The following SERPINE2 variants were observed in gnomAD, a reference collection of about 807,000 sequenced individuals.
SERPINE2 encodes serpin family E member 2.
In SERPINE2, 14 loss-of-function variants were observed where a neutral mutation model predicts 36.3. That is an observed-to-expected ratio of 0.39 (90% confidence interval 0.25 to 0.60). SERPINE2 has a LOEUF of 0.60. Among genes scored for constraint, SERPINE2 ranks in the 20% least tolerant of loss-of-function variants. The pLI is 0.57. For missense variants in SERPINE2, 418 were observed against 499.6 expected, an observed-to-expected ratio of 0.84 and a Z score of 1.56; for synonymous variants, 192 against 191.8, an observed-to-expected ratio of 1.00 and a Z score of -0.01.
intron 4 of SERPINE2, among the ~76,000 whole-genome samples, chr2:223,991,553 C>T (rs985323647): frequency 3.9e-5 from 6 of 152,228 alleles, no homozygotes; most frequent in South Asian, 4.1e-4. Context: ...CTACTACACA[C>T]GCCATGCATT....
At chr2:224,002,257 G>A (rs1360940442) in intron 1 of SERPINE2, among the ~76,000 whole-genome samples, 1 of 151,574 alleles carries the variant, frequency 6.6e-6, no homozygotes, top group East Asian at 1.9e-4. Flanking sequence ...GATTACAGGT[G>A]TGAGCCACTG....
chr2:224,035,977 C>T (rs769248188), intron 1 of SERPINE2, among the ~76,000 whole-genome samples: 4 of 126,736 alleles, frequency 3.2e-5, no homozygotes, highest in Non-Finnish European at 5.2e-5. Context: ...TCTCCATGAA[C>T]GGTGGAACCA....
intron 4 of SERPINE2, among the ~76,000 whole-genome samples, chr2:223,987,891 G>C (rs1416642752): frequency 2.0e-5 from 3 of 152,194 alleles, no homozygotes; most frequent in African/African-American, 7.2e-5. Context: ...CTTTATAGAT[G>C]AAAGTCCCTC....
intron 1 of SERPINE2, among the ~76,000 whole-genome samples, chr2:224,027,553 G>A (rs999554354): frequency 6.6e-6 from 1 of 152,172 alleles, no homozygotes; most frequent in African/African-American, 2.4e-5. Flanking sequence ...ACAGGACTTA[G>A]GGACAAGGTG....
At chr2:224,005,939 GTTC>G (rs1360807129) in intron 1 of SERPINE2, among the ~76,000 whole-genome samples, 4 of 152,132 alleles carry the variant, frequency 2.6e-5, no homozygotes, top group African/African-American at 9.7e-5. Flanking sequence ...CCTTCCCTAT[GTTC>G]TTCTAGTTTC....
chr2:223,993,708 T>C (rs1231845680), intron 3 of SERPINE2, among the ~76,000 whole-genome samples: 1 of 152,210 alleles, frequency 6.6e-6, no homozygotes, highest in African/African-American at 2.4e-5. Context: ...AAGAGGATTC[T>C]GATGTACAGT....
At chr2:224,000,698 C>G (rs955165141) in intron 2 of SERPINE2, among the ~76,000 whole-genome samples, 21 of 152,104 alleles carry the variant, frequency 1.4e-4, no homozygotes, top group Admixed American at 1.4e-3. Context: ...CCTTCCACCC[C>G]TCGACAGGCC....
At chr2:224,038,418 C>T in intron 1 of SERPINE2, 1 of 1,310,850 alleles carries the variant, frequency 7.6e-7, no homozygotes, top group Non-Finnish European at 1.1e-6. Context: ...GCCTTCCTTC[C>T]CCGCTCAGTT....
chr2:224,007,417 C>T (rs1003587076), intron 1 of SERPINE2, among the ~76,000 whole-genome samples: 4 of 151,972 alleles, frequency 2.6e-5, no homozygotes, highest in Non-Finnish European at 4.4e-5. Flanking sequence ...TTTAATACTC[C>T]CCCCCATACT....
At chr2:224,011,351 C>T (rs1691618416) in intron 1 of SERPINE2, among the ~76,000 whole-genome samples, 1 of 152,174 alleles carries the variant, frequency 6.6e-6, no homozygotes, top group African/African-American at 2.4e-5. Context: ...AAAAATATTA[C>T]ACATAGTTCA....
intron 1 of SERPINE2, among the ~76,000 whole-genome samples, chr2:224,026,470 T>G (rs1394842846): frequency 6.6e-6 from 1 of 152,198 alleles, no homozygotes; most frequent in Non-Finnish European, 1.5e-5. Flanking sequence ...ATGCATTGAC[T>G]GAGAGAATTT....
chr2:223,991,693 G>T, intron 4 of SERPINE2, 110 bp downstream of exon 4: 1 of 1,163,142 alleles, frequency 8.6e-7, no homozygotes. Context: ...CTGTTCCCCA[G>T]TTTTTTAAAA....
At chr2:223,987,472 TC>T (rs1690481150) in intron 4 of SERPINE2, among the ~76,000 whole-genome samples, 1 of 152,130 alleles carries the variant, frequency 6.6e-6, no homozygotes. Flanking sequence ...CCCTTTAAAA[TC>T]CCCTACCCGA....
At chr2:223,976,398 C>T (rs574492812) in intron 8 of SERPINE2, among the ~76,000 whole-genome samples, 96 of 152,226 alleles carry the variant, frequency 6.3e-4, no homozygotes, top group African/African-American at 1.8e-3. Flanking sequence ...GTGATCCACC[C>T]GCCTTGGCCT....
At chr2:224,004,619 T>A (rs534822541) in intron 1 of SERPINE2, among the ~76,000 whole-genome samples, 4 of 152,278 alleles carry the variant, frequency 2.6e-5, no homozygotes, top group African/African-American at 9.6e-5. Flanking sequence ...TCATTCCATC[T>A]AAAAACTAGA....
intron 1 of SERPINE2, among the ~76,000 whole-genome samples, chr2:224,037,125 A>G (rs1692561350): frequency 6.6e-6 from 1 of 152,248 alleles, no homozygotes; most frequent in African/African-American, 2.4e-5. Context: ...GATCTGCTCT[A>G]TTTACCACCT....
intron 1 of SERPINE2, among the ~76,000 whole-genome samples, chr2:224,017,969 T>G (rs1324584529): frequency 1.3e-5 from 2 of 152,214 alleles, no homozygotes; most frequent in South Asian, 4.1e-4. Flanking sequence ...CTTTAAGACT[T>G]GTGGTCTTTT....
intron 1 of SERPINE2, chr2:224,030,233 G>A (rs546525720): frequency 5.4e-5 from 53 of 985,374 alleles, no homozygotes; most frequent in East Asian, 1.1e-4. Context: ...ATGACCAGGT[G>A]ATCATTGGGG....
At chr2:223,975,975 C>T in intron 8 of SERPINE2, 71 bp from the exon 9 acceptor site, 1 of 1,391,124 alleles carries the variant, frequency 7.2e-7, no homozygotes. Context: ...GGAAGGTATT[C>T]TATTTAAGGG....
Sources: allele counts gnomAD v4.1 joint callset (sites outside exome capture counted in the v4.1 genomes callset), GRCh38; gene constraint gnomAD v4.1.1; transcripts MANE v1.5; gene names NCBI Gene and HGNC (gene_info 2026-07-23, HGNC 2026-07-21).